Variants in RIMS4 observed in about 807,000 individuals in gnomAD.
RIMS4 encodes the protein regulating synaptic membrane exocytosis 4.
Under a neutral mutation model 29.0 loss-of-function variants are expected in RIMS4, and 9 were observed. The observed-to-expected ratio is 0.31, with a 90% CI of 0.19 to 0.54. The LOEUF is 0.54. Among genes scored for constraint, RIMS4 ranks in the 20% least tolerant of loss-of-function variants. RIMS4 has a pLI of 0.94. For missense variants in RIMS4, 193 were observed against 365.7 expected (o/e 0.53, Z 3.85); for synonymous variants, 130 against 152.9 (o/e 0.85, Z 1.10).
At chr20:44,778,234 T>C (rs1410134090) in intron 1 of RIMS4, among the ~76,000 whole-genome samples, 1 of 152,202 alleles carries the variant, frequency 6.6e-6, no homozygotes, top group Non-Finnish European at 1.5e-5. Flanking sequence ...AACCTTTCCC[T>C]TCTCCCTGGA....
chr20:44,762,073 C>T (rs1265614363), intron 2 of RIMS4, among the ~76,000 whole-genome samples: 1 of 152,184 alleles, frequency 6.6e-6, no homozygotes, highest in Non-Finnish European at 1.5e-5. Flanking sequence ...ACTGCTCCAC[C>T]TCAGATCATC....
intron 3 of RIMS4, 27 bp downstream of exon 3, chr20:44,758,045 A>G: frequency 6.6e-7 from 1 of 1,526,554 alleles, no homozygotes; most frequent in East Asian, 2.3e-5. Context: ...CCCCTAGTCC[A>G]TTTGAAACCA....
In RIMS4 at chr20:44,760,894, TAATA is replaced by T. The variant is rs977550509; in HGVS notation, c.237-2714_237-2711del. ...AGGTGGTAAATGATAGAAATCTTAGTAATAAATAAGTAGAGAATTAATGTGGGCA... is the reference window on the plus strand; with the variant it reads ...AGGTGGTAAATGATAGAAATCTTAGTAATAAGTAGAGAATTAATGTGGGCA... On this transcript the variant is annotated intron_variant, in intron 2 of 5. Transcript: ENST00000372851. Among the ~76,000 whole-genome samples, 4 of 152,236 alleles carry T rather than the reference TAATA, an allele frequency of 2.6e-5. No homozygotes were observed. In the South Asian group the frequency reaches 6.2e-4, roughly 24 times the overall value.
chr20:44,799,499 A>G (rs553912019), intron 1 of RIMS4, among the ~76,000 whole-genome samples: 2 of 152,070 alleles, frequency 1.3e-5, no homozygotes, highest in Non-Finnish European at 2.9e-5. Context: ...CACCTGGTCC[A>G]GTCTTGGTGT....
At chr20:44,796,872 T>C (rs903252475) in intron 1 of RIMS4, among the ~76,000 whole-genome samples, 4 of 152,250 alleles carry the variant, frequency 2.6e-5, no homozygotes, top group African/African-American at 9.6e-5. Flanking sequence ...TTGTTTCCTG[T>C]GTTCATCCTG....
At chr20:44,789,969 C>G (rs1237538445) in intron 1 of RIMS4, among the ~76,000 whole-genome samples, 2 of 152,268 alleles carry the variant, frequency 1.3e-5, no homozygotes, top group Non-Finnish European at 2.9e-5. Context: ...TTGCTAGAGG[C>G]ACCCAAGGGA....
chr20:44,770,692 C>T (rs796811418), intron 2 of RIMS4, among the ~76,000 whole-genome samples: 9 of 152,216 alleles, frequency 5.9e-5, no homozygotes, highest in African/African-American at 2.2e-4. Context: ...CAGAGGGAAA[C>T]GCTGGCAAGG....
chr20:44,758,118 C>T lies in RIMS4; in HGVS notation c.303G>A (p.Gly101=), dbSNP rs1295265085. Residue 101 remains glycine, a synonymous_variant, in exon 3 of 6, where the codon GGG becomes GGA. Coordinates refer to ENST00000372851, the MANE Select transcript of RIMS4 (RefSeq NM_182970.4). ...AQFSDFLGSM[G]PAQFVGRQTL... ...TCTGGCGGCCCACAAACTGTGCCGG[C>T]CCCATGCTTCCCAGGAAGTCACTGA... 1 of 1,613,680 alleles carries T rather than the reference C, an allele frequency of 6.2e-7. No individual in the cohort carries two copies. The highest frequency in any genetic ancestry group is 1.7e-4 in the Middle Eastern group (1 of 6,060).
At chr20:44,772,444 C>G (rs2066141222) in intron 1 of RIMS4, among the ~76,000 whole-genome samples, 1 of 152,198 alleles carries the variant, frequency 6.6e-6, no homozygotes, top group Admixed American at 6.5e-5. Context: ...TAGAGCTCAA[C>G]TAATAACTGT....
chr20:44,771,774 G>A (rs989785128), intron 1 of RIMS4, among the ~76,000 whole-genome samples: 1 of 152,126 alleles, frequency 6.6e-6, no homozygotes, highest in African/African-American at 2.4e-5. Flanking sequence ...ATTTTGACCA[G>A]GGTTTCTTGA....
intron 1 of RIMS4, among the ~76,000 whole-genome samples, chr20:44,797,500 C>T (rs922316461): frequency 2.6e-5 from 4 of 152,246 alleles, no homozygotes; most frequent in African/African-American, 9.6e-5. Flanking sequence ...TCTTTCTCTG[C>T]CTCACTTTCT....
chr20:44,789,153 AG>A (rs1444147940), intron 1 of RIMS4, among the ~76,000 whole-genome samples: 4 of 152,100 alleles, frequency 2.6e-5, no homozygotes, highest in African/African-American at 7.2e-5. Context: ...GAAGAAAAAA[AG>A]GGAGAGGGTG....
chr20:44,775,790 T>C (rs903921637), intron 1 of RIMS4, among the ~76,000 whole-genome samples: 1 of 152,206 alleles, frequency 6.6e-6, no homozygotes. Context: ...AGTTCAAAAA[T>C]CTTCACACAG....
chr20:44,804,108 A>G (rs2086307661), intron 1 of RIMS4, among the ~76,000 whole-genome samples: 1 of 152,236 alleles, frequency 6.6e-6, no homozygotes, highest in Admixed American at 6.5e-5. Context: ...TGAGAAAGTC[A>G]TGAATTCAAC....
At chr20:44,807,201 T>C (rs1488022176) in intron 1 of RIMS4, among the ~76,000 whole-genome samples, 1 of 152,102 alleles carries the variant, frequency 6.6e-6, no homozygotes, top group Non-Finnish European at 1.5e-5. Context: ...AAGATGCCCC[T>C]TGAGAGGAAT....
At position 44,810,241 on chromosome 20, in the gene RIMS4, A is replaced by G; in HGVS notation, c.31T>C (p.Ser11Pro). Residue 11 changes from serine (S) to proline (P), a missense_variant, in exon 1 of 6, where the codon TCC becomes CCC. By Grantham distance (74) the Ser-to-Pro change is moderately conservative. Transcript: ENST00000372851. ...ATGGCGAGCGCCTCGAAGGAGGCGG[A>G]CAGACTGAGGCGGCTCTGCGAGCGC... Reference protein sequence around the residue: MERSQSRLSLSASFEALAIYF... With the variant: MERSQSRLSLPASFEALAIYF... The G allele has an allele frequency of 6.4e-7, 1 of 1,551,754 alleles. No homozygotes were observed. Among genetic ancestry groups the G allele is most frequent in the Non-Finnish European group, 8.7e-7 (1 of 1,143,106 alleles).
intron 1 of RIMS4, among the ~76,000 whole-genome samples, chr20:44,791,981 C>G (rs935576725): frequency 2.0e-5 from 3 of 152,160 alleles, no homozygotes; most frequent in Non-Finnish European, 2.9e-5. Context: ...CCTAATCACA[C>G]AGGACCCCAG....
Position 44,766,311 on chromosome 20 carries a change from C to A in RIMS4, c.236+4964G>T, listed in dbSNP as rs77781121. On this transcript the variant is annotated intron_variant, in intron 2 of 5. Coordinates refer to ENST00000372851, the MANE Select transcript of RIMS4 (RefSeq NM_182970.4). Reference sequence around the variant, plus strand: ...ATACAGCCTTTGTGCCAGTTCTCAGCTGAGGTCTGGAGAAGGAATGAGTCA... The same window carrying A: ...ATACAGCCTTTGTGCCAGTTCTCAGATGAGGTCTGGAGAAGGAATGAGTCA... Among the ~76,000 whole-genome samples, 381 of 152,234 alleles carry A rather than the reference C, an allele frequency of 2.5e-3. 3 individuals carry two copies. Among genetic ancestry groups the A allele is most frequent in the African/African-American group, 8.9e-3 (368 of 41,518 alleles).
In RIMS4 at chr20:44,757,178, TG is replaced by T. The variant is rs1313898750; in HGVS notation, c.452-142del. On this transcript the variant is annotated intron_variant, in intron 4 of 5. Coordinates refer to ENST00000372851, the MANE Select transcript of RIMS4 (RefSeq NM_182970.4). ...TCTGGGGAGGACGCACCAGGACACA[TG>T]GGGGGTGGGCATTTGGGGGCAGCAG... The T allele has an allele frequency of 1.7e-5, 15 of 899,816 alleles. No individual in the cohort carries two copies. The South Asian group carries it at 1.8e-4, about 11-fold the overall frequency. The allele number at this position is 899,816 out of a possible 1,614,324, so 55.7% of individuals were successfully genotyped here.
Sources: allele counts gnomAD v4.1 joint callset (sites outside exome capture counted in the v4.1 genomes callset), GRCh38; gene constraint gnomAD v4.1.1; transcripts MANE v1.5; gene names NCBI Gene and HGNC (gene_info 2026-07-23, HGNC 2026-07-21).